PALS2: variants seen among roughly 807,000 people sequenced by gnomAD.
PALS2 encodes protein PALS2.
PALS2 carries 27 observed loss-of-function variants against 61.6 expected under a neutral mutation model. The ratio of observed to expected loss-of-function variants is 0.44; its 90% CI spans 0.32 to 0.60. The LOEUF is 0.60. PALS2 is among the 20% of genes least tolerant of loss of function. The pLI is 0.05. For missense variants in PALS2, 554 were observed against 639.4 expected (o/e 0.87, Z 1.44); for synonymous variants, 236 against 218.6 (o/e 1.08, Z -0.70).
rs1349262471 is a variant in PALS2, at chr7:24,638,627, G to A, written c.118-3089G>A. Among the ~76,000 whole-genome samples, 19 of 44,858 alleles carry A rather than the reference G, an allele frequency of 4.2e-4. 6 individuals are homozygous for A. The highest frequency in any genetic ancestry group is 1.9e-3 in the South Asian group (2 of 1,072). The allele number at this position is 44,858 out of a possible 152,430, so 29.4% of individuals were successfully genotyped here. A position where few individuals can be genotyped will look rare whatever the true frequency, so the allele number is the denominator to read the frequency against. Reference sequence around the variant, plus strand: ...ATTACAGGCGTGAGCCACCGCGCCCGGCCAATTTCTGTATTTTCTAGTGAG... The same window carrying A: ...ATTACAGGCGTGAGCCACCGCGCCCAGCCAATTTCTGTATTTTCTAGTGAG... On this transcript the variant is annotated intron_variant, in intron 2 of 11. Coordinates refer to ENST00000222644, the MANE Select transcript of PALS2 (RefSeq NM_001303037.2).
intron 1 of PALS2, among the ~76,000 whole-genome samples, chr7:24,620,594 AC>A (rs1784460809): frequency 6.6e-6 from 1 of 152,178 alleles, no homozygotes; most frequent in African/African-American, 2.4e-5. Context: ...TGAAAAAAAA[AC>A]AAGCACTTCA....
At chr7:24,673,353 A>G (rs973436161) in intron 9 of PALS2, among the ~76,000 whole-genome samples, 1 of 152,178 alleles carries the variant, frequency 6.6e-6, no homozygotes, top group African/African-American at 2.4e-5. Context: ...ATATTGGTCT[A>G]TACATCTCAT....
At chr7:24,606,163 T>C (rs1783891095) in intron 1 of PALS2, among the ~76,000 whole-genome samples, 1 of 152,190 alleles carries the variant, frequency 6.6e-6, no homozygotes, top group African/African-American at 2.4e-5. Flanking sequence ...ACAAGATTTC[T>C]TTATGCCTAC....
intron 2 of PALS2, among the ~76,000 whole-genome samples, chr7:24,633,885 G>T (rs1445856369): frequency 1.3e-5 from 2 of 152,042 alleles, no homozygotes; most frequent in Admixed American, 6.6e-5. Context: ...TTCAACACTT[G>T]TTATTATTTG....
At chr7:24,654,737 A>C (rs185525609) in intron 5 of PALS2, among the ~76,000 whole-genome samples, 206 of 152,320 alleles carry the variant, frequency 1.4e-3, no homozygotes, top group Middle Eastern at 3.4e-3. Flanking sequence ...GATAAGATGA[A>C]TAGCCAAGAC....
chr7:24,623,828 A>G (rs201714784), intron 2 of PALS2, 44 bp downstream of exon 2: 34 of 1,353,504 alleles, frequency 2.5e-5, no homozygotes, highest in Non-Finnish European at 3.4e-5. Flanking sequence ...TTTTGGACTT[A>G]GTTTTTATAG....
At chr7:24,668,693 T>G in intron 9 of PALS2, 33 bp downstream of exon 9, 1 of 1,609,166 alleles carries the variant, frequency 6.2e-7, no homozygotes, top group Non-Finnish European at 8.5e-7. Context: ...GCTATGCAAT[T>G]GGCAGGAAAG....
chr7:24,576,835 A>AT (rs1782658802), intron 1 of PALS2, among the ~76,000 whole-genome samples: 1 of 152,196 alleles, frequency 6.6e-6, no homozygotes, highest in Admixed American at 6.5e-5. Flanking sequence ...CATGTAGCTA[A>AT]TTTTAGTGTT....
At chr7:24,634,736 G>T (rs1008885841) in intron 2 of PALS2, among the ~76,000 whole-genome samples, 1 of 152,068 alleles carries the variant, frequency 6.6e-6, no homozygotes, top group East Asian at 1.9e-4. Flanking sequence ...ACGATATTAC[G>T]TTAGGCACCA....
At position 24,691,389 on chromosome 7, in the gene PALS2, A is replaced by ATGTGTGTGTTTGTGTG. The variant is rs1554318901; in HGVS notation, c.*3784_*3785insTTGTGTGTGTGTGTGT. The stretch of plus-strand genomic sequence containing the variant: ...ATGTTCGAGTTGCCATATATTATGT[A>ATGTGTGTGTTTGTGTG]TGTGTGTGTGTGTGTGTATATATAT... On this transcript the variant is annotated 3_prime_UTR_variant, in exon 12 of 12. Transcript: ENST00000222644. 1 of 87,710 alleles carries ATGTGTGTGTTTGTGTG rather than the reference A, an allele frequency of 1.1e-5. No individual in the cohort carries two copies. Among genetic ancestry groups the ATGTGTGTGTTTGTGTG allele is most frequent in the African/African-American group, 4.5e-5 (1 of 22,368 alleles). The allele number at this position is 87,710 out of a possible 1,614,324, so 5.4% of individuals were successfully genotyped here.
intron 1 of PALS2, among the ~76,000 whole-genome samples, chr7:24,614,442 A>G (rs2128053270): frequency 6.6e-6 from 1 of 152,080 alleles, no homozygotes; most frequent in African/African-American, 2.4e-5. Context: ...GTCATATGTA[A>G]ATAGTAACAA....
At chr7:24,631,480 A>G (rs1784994502) in intron 2 of PALS2, among the ~76,000 whole-genome samples, 1 of 152,222 alleles carries the variant, frequency 6.6e-6, no homozygotes, top group Non-Finnish European at 1.5e-5. Flanking sequence ...TTCCTGGTGA[A>G]GATGCTGTGA....
chr7:24,640,771 G>T (rs888750459), intron 2 of PALS2, among the ~76,000 whole-genome samples: 44 of 151,974 alleles, frequency 2.9e-4, no homozygotes, highest in Non-Finnish European at 5.0e-4. Context: ...CACTTTGGGA[G>T]GCCGAGGCGG....
rs534756401 is a variant in PALS2 at position 24,687,886 on chromosome 7, A to G, written c.*272A>G. On this transcript the variant is annotated 3_prime_UTR_variant, in exon 12 of 12. Transcript: ENST00000222644. The surrounding 1 kb of genome is among the most constrained non-coding windows in gnomAD (Gnocchi z 4.5). ...AAAGAAATGCGTTGAAGCATTTTGT[A>G]TATGTTTTGATTTAGTACCCTTGCC... 1.1e-4 allele frequency: 28 copies of G among 251,864 alleles called. No homozygotes were observed. The highest frequency in any genetic ancestry group is 5.1e-4 in the African/African-American group (23 of 45,078). The allele number at this position is 251,864 out of a possible 1,614,324, so 15.6% of individuals were successfully genotyped here. A position where few individuals can be genotyped will look rare whatever the true frequency, so the allele number is the denominator to read the frequency against.
intron 11 of PALS2, among the ~76,000 whole-genome samples, chr7:24,681,882 C>G (rs371613324): frequency 1.3e-5 from 2 of 152,088 alleles, no homozygotes; most frequent in African/African-American, 4.8e-5. Context: ...TGTTCTTTTT[C>G]AAGTTGATCC....
At chr7:24,616,436 A>G (rs560888012) in intron 1 of PALS2, among the ~76,000 whole-genome samples, 3 of 152,304 alleles carry the variant, frequency 2.0e-5, no homozygotes, top group African/African-American at 4.8e-5. Flanking sequence ...CATTATATTT[A>G]CAATAACTGA....
intron 1 of PALS2, among the ~76,000 whole-genome samples, chr7:24,580,904 T>A (rs1385258708): frequency 6.6e-6 from 1 of 152,228 alleles, no homozygotes; most frequent in African/African-American, 2.4e-5. Flanking sequence ...TCTCATCTGC[T>A]TGTTGCAGAT....
At chr7:24,632,587 C>T (rs1455190411) in intron 2 of PALS2, among the ~76,000 whole-genome samples, 2 of 152,076 alleles carry the variant, frequency 1.3e-5, no homozygotes, top group Non-Finnish European at 2.9e-5. Flanking sequence ...ACTGGTTTCA[C>T]CACGTTGGCC....
At chr7:24,597,835 A>C (rs914566421) in intron 1 of PALS2, among the ~76,000 whole-genome samples, 1 of 152,172 alleles carries the variant, frequency 6.6e-6, no homozygotes, top group African/African-American at 2.4e-5. Flanking sequence ...TAGTCTTTTG[A>C]CAATTTAGTG....
Sources: allele counts gnomAD v4.1 joint callset (sites outside exome capture counted in the v4.1 genomes callset), GRCh38; gene constraint gnomAD v4.1.1; non-coding constraint Gnocchi (gnomAD v3.1); transcripts MANE v1.5; gene names NCBI Gene and HGNC (gene_info 2026-07-23, HGNC 2026-07-21).